The following PRKCE variants were observed in gnomAD, a reference collection of about 807,000 sequenced individuals.
PRKCE encodes the protein protein kinase C epsilon.
PRKCE carries 16 observed loss-of-function variants against 85.4 expected under a neutral mutation model. The observed-to-expected ratio is 0.19, with a 90% confidence interval of 0.13 to 0.28. PRKCE has a LOEUF of 0.28. Ranked by LOEUF, PRKCE falls within the 10% of genes least tolerant of loss-of-function variation. The pLI, the probability that PRKCE is intolerant of heterozygous loss-of-function variation, is 1.00. For synonymous variants in PRKCE, 388 were observed against 371.5 expected (o/e 1.04, Z -0.51); for missense variants, 573 against 975.2 (o/e 0.59, Z 5.49).
At chr2:46,107,085 C>T (rs56345591) in intron 11 of PRKCE, among the ~76,000 whole-genome samples, 47,568 of 152,074 alleles carry the variant, frequency 0.31, 7,650 homozygotes, top group South Asian at 0.42. Context: ...CATCATATAT[C>T]ACCATTACAT....
chr2:45,771,596 C>G (rs988486864), intron 1 of PRKCE, among the ~76,000 whole-genome samples: 3 of 152,184 alleles, frequency 2.0e-5, no homozygotes, highest in African/African-American at 7.2e-5. Context: ...GGACTAAATC[C>G]TGGCCATCTT....
At chr2:45,744,386 T>C (rs1276801323) in intron 1 of PRKCE, among the ~76,000 whole-genome samples, 2 of 152,162 alleles carry the variant, frequency 1.3e-5, no homozygotes, top group African/African-American at 2.4e-5. Flanking sequence ...AAAAACCCAG[T>C]TGCCTGGTCT....
chr2:45,754,328 G>GTGAA (rs564628162), intron 1 of PRKCE, among the ~76,000 whole-genome samples: 115 of 152,348 alleles, frequency 7.5e-4, no homozygotes, highest in Middle Eastern at 3.4e-3. Context: ...GCTTTCATGT[G>GTGAA]TGAATATGTA....
At chr2:46,153,653 C>T (rs571402493) in intron 13 of PRKCE, among the ~76,000 whole-genome samples, 3 of 152,194 alleles carry the variant, frequency 2.0e-5, no homozygotes, top group Admixed American at 2.0e-4. Flanking sequence ...GGGTGGACAA[C>T]CCAAAAGGAG....
rs974863794 is a variant in PRKCE, at chr2:45,934,125, C to T, written c.413-42304C>T. ...TCTCCCATTCTCTCTGACACACGCT[C>T]AGGGCACACTTGAAAGCTCACAGCC... is the stretch of plus-strand genomic sequence containing the variant. On this transcript the variant is annotated intron_variant, in intron 2 of 14. Coordinates refer to ENST00000306156, the MANE Select transcript of PRKCE (RefSeq NM_005400.3). Among the ~76,000 whole-genome samples, 17 of 152,294 alleles carry T rather than the reference C, an allele frequency of 1.1e-4. No individual in the cohort carries two copies. In the East Asian group the frequency reaches 2.5e-3, roughly 22 times the overall value.
intron 11 of PRKCE, among the ~76,000 whole-genome samples, chr2:46,087,043 T>A (rs1053285174): frequency 6.6e-6 from 1 of 152,124 alleles, no homozygotes; most frequent in African/African-American, 2.4e-5. Flanking sequence ...GAGGAGTAAA[T>A]ATTTATAATT....
intron 10 of PRKCE, among the ~76,000 whole-genome samples, chr2:46,024,384 C>T (rs1706934029): frequency 6.6e-6 from 1 of 151,588 alleles, no homozygotes; most frequent in Admixed American, 6.6e-5. Context: ...TTGTTTTTAC[C>T]ATGACGTTCC....
intron 1 of PRKCE, chr2:45,676,839 A>G (rs1308477276): frequency 6.6e-6 from 1 of 152,196 alleles, no homozygotes; most frequent in Non-Finnish European, 1.5e-5. Context: ...ATCATTAGGG[A>G]GCCCCTGCCA....
intron 14 of PRKCE, among the ~76,000 whole-genome samples, chr2:46,164,039 A>T (rs1351436183): frequency 6.6e-6 from 1 of 152,234 alleles, no homozygotes; most frequent in African/African-American, 2.4e-5. Flanking sequence ...CCATCACAAG[A>T]CAGGATTTCC....
At chr2:45,849,899 C>T (rs10166692) in intron 2 of PRKCE, among the ~76,000 whole-genome samples, 116,503 of 152,050 alleles carry the variant, frequency 0.77, 44,748 homozygotes, top group Admixed American at 0.82. Flanking sequence ...TTCTTGTTCC[C>T]AGAAGTGACT....
At chr2:45,768,639 A>G (rs1264261158) in intron 1 of PRKCE, among the ~76,000 whole-genome samples, 1 of 152,196 alleles carries the variant, frequency 6.6e-6, no homozygotes, top group Non-Finnish European at 1.5e-5. Context: ...AATGGGCCAG[A>G]CAGAGAATGG....
intron 1 of PRKCE, among the ~76,000 whole-genome samples, chr2:45,835,467 T>A (rs2105430899): frequency 6.6e-6 from 1 of 152,292 alleles, no homozygotes; most frequent in East Asian, 1.9e-4. Context: ...CAGATGTGCT[T>A]TTTTGTTATT....
chr2:45,924,416 A>G (rs1698467861), intron 2 of PRKCE, among the ~76,000 whole-genome samples: 1 of 152,186 alleles, frequency 6.6e-6, no homozygotes, highest in African/African-American at 2.4e-5. Flanking sequence ...TAAGGAAACA[A>G]TGATTGTTGG....
At chr2:45,839,066 A>G (rs996428853) in intron 1 of PRKCE, among the ~76,000 whole-genome samples, 2 of 152,092 alleles carry the variant, frequency 1.3e-5, no homozygotes, top group African/African-American at 4.8e-5. Context: ...GCTTCAGGCC[A>G]CAAGGCCGCT....
intron 1 of PRKCE, among the ~76,000 whole-genome samples, chr2:45,667,038 C>T (rs1310677356): frequency 1.3e-5 from 2 of 152,120 alleles, no homozygotes; most frequent in Admixed American, 1.3e-4. Flanking sequence ...AGGCTGGGTA[C>T]AGTGGCTCAT....
At chr2:45,920,581 A>G (rs1698178560) in intron 2 of PRKCE, among the ~76,000 whole-genome samples, 1 of 152,254 alleles carries the variant, frequency 6.6e-6, no homozygotes, top group Admixed American at 6.5e-5. Flanking sequence ...TGAAGCACTG[A>G]CATGGATGAC....
intron 1 of PRKCE, among the ~76,000 whole-genome samples, chr2:45,739,439 C>T (rs1279229000): frequency 6.6e-6 from 1 of 152,176 alleles, no homozygotes; most frequent in Non-Finnish European, 1.5e-5. Flanking sequence ...GGGGTTTCAA[C>T]TTTCCTTTTT....
chr2:45,737,985 C>A (rs1437664465), intron 1 of PRKCE, among the ~76,000 whole-genome samples: 1 of 152,106 alleles, frequency 6.6e-6, no homozygotes, highest in Non-Finnish European at 1.5e-5. Flanking sequence ...TTCCTTTTCC[C>A]CATGTGCTCA....
At chr2:45,850,825 A>G (rs780550292) in intron 2 of PRKCE, among the ~76,000 whole-genome samples, 7 of 152,096 alleles carry the variant, frequency 4.6e-5, no homozygotes, top group Non-Finnish European at 1.0e-4. Flanking sequence ...TCTCTGAATC[A>G]CCTATTCTGT....
Sources: allele counts gnomAD v4.1 joint callset (sites outside exome capture counted in the v4.1 genomes callset), GRCh38; gene constraint gnomAD v4.1.1; transcripts MANE v1.5; gene names NCBI Gene and HGNC (gene_info 2026-07-23, HGNC 2026-07-21).